Variants in IRS2 observed in about 807,000 individuals in gnomAD.
The protein encoded by IRS2 is insulin receptor substrate 2.
In IRS2, 28 loss-of-function variants were observed where a neutral mutation model predicts 70.9. The ratio of observed to expected loss-of-function variants is 0.39; its 90% CI spans 0.29 to 0.54. IRS2 has a LOEUF of 0.54. IRS2 is among the 20% of genes least tolerant of loss of function. The pLI is 0.59. For synonymous variants in IRS2, 1,217 were observed against 981.9 expected (o/e 1.24, Z -4.48); for missense variants, 2,081 against 2,024.1 (o/e 1.03, Z -0.54).
chr13:109,763,933 TAG>T (rs1257471633), intron 1 of IRS2, among the ~76,000 whole-genome samples: 1 of 152,226 alleles, frequency 6.6e-6, no homozygotes, highest in Non-Finnish European at 1.5e-5. Flanking sequence ...TAAATAACTG[TAG>T]GTAAATCCCC....
intron 1 of IRS2, among the ~76,000 whole-genome samples, chr13:109,774,677 C>A (rs553048924): frequency 4.6e-5 from 7 of 152,168 alleles, no homozygotes; most frequent in Non-Finnish European, 8.8e-5. Flanking sequence ...GCTCAGAGAT[C>A]TGGAGCAAGT....
chr13:109,752,891 T>A lies in IRS2; in HGVS notation c.*3413A>T, dbSNP rs1449555234. 6.6e-6 allele frequency: 1 copy of A among 152,164 alleles called. No individual in the cohort carries two copies. The highest frequency in any genetic ancestry group is 1.5e-5 in the Non-Finnish European group (1 of 68,034). The allele number at this position is 152,164 out of a possible 1,614,324, so 9.4% of individuals were successfully genotyped here. On this transcript the variant is annotated 3_prime_UTR_variant, in exon 2 of 2. Transcript: ENST00000375856. ...TTTCCTGGATCTGATGATTTTCTTC[T>A]TTGTATTCTTGATGTATGCATCGGT...
rs923307959 is a variant in IRS2, at chr13:109,754,435, A to G, written c.*1869T>C. On this transcript the variant is annotated 3_prime_UTR_variant, in exon 2 of 2. Transcript: ENST00000375856. Reference sequence around the variant, plus strand: ...ATACACTGCTTTCAGCAGGGTCCATATTCAGTCCCTATCGTACCTGGGGGG... The same window carrying G: ...ATACACTGCTTTCAGCAGGGTCCATGTTCAGTCCCTATCGTACCTGGGGGG... The G allele has an allele frequency of 4.8e-6, 1 of 206,852 alleles. No individual in the cohort carries two copies. Among genetic ancestry groups the G allele is most frequent in the Non-Finnish European group, 9.9e-6 (1 of 101,460 alleles). The allele number at this position is 206,852 out of a possible 1,614,324, so 12.8% of individuals were successfully genotyped here. A position where few individuals can be genotyped will look rare whatever the true frequency, so the allele number is the denominator to read the frequency against.
intron 1 of IRS2, among the ~76,000 whole-genome samples, chr13:109,780,477 T>C (rs149326456): frequency 9.5e-4 from 144 of 152,374 alleles, no homozygotes; most frequent in African/African-American, 3.4e-3. Flanking sequence ...GATAATTCTC[T>C]GTGACTCTTC....
intron 1 of IRS2, among the ~76,000 whole-genome samples, chr13:109,763,558 T>A (rs946479098): frequency 6.6e-6 from 1 of 152,196 alleles, no homozygotes; most frequent in African/African-American, 2.4e-5. Flanking sequence ...TCATTAAGGG[T>A]CCAAATCTTT....
rs1566414840 is a variant in IRS2, at chr13:109,785,513, C to G, written c.541G>C (p.Glu181Gln). 6.2e-7 allele frequency: 1 copy of G among 1,604,500 alleles called. No individual in the cohort carries two copies. The highest frequency in any genetic ancestry group is 2.3e-5 in the East Asian group (1 of 44,410). Reference sequence around the variant, plus strand: ...GGAGCCACCAGCCCGTAGCTGTCCTCGGCCCCGGCGGCGCCGGCAGAGCCG... The same window carrying G: ...GGAGCCACCAGCCCGTAGCTGTCCTGGGCCCCGGCGGCGCCGGCAGAGCCG... ...LGGSAGAAGAEDSYGLVAPAT... is the reference protein window; with the variant it reads ...LGGSAGAAGAQDSYGLVAPAT... The change falls in exon 1 of 2, where the codon GAG becomes CAG. Residue 181 changes from glutamate to glutamine, a missense_variant. By Grantham distance (29) the Glu-to-Gln change is conservative. Coordinates refer to ENST00000375856, the MANE Select transcript of IRS2 (RefSeq NM_003749.3). This position sits in a 1 kb window ranked among gnomAD's most constrained non-coding sequence, Gnocchi z 9.3.
At chr13:109,762,991 A>G (rs1309059770) in intron 1 of IRS2, among the ~76,000 whole-genome samples, 3 of 152,168 alleles carry the variant, frequency 2.0e-5, no homozygotes, top group South Asian at 4.1e-4. Flanking sequence ...CTCTGCAAAT[A>G]AAGTTTTATT....
In IRS2 at chr13:109,782,758, G is replaced by A. The variant is rs765468696; in HGVS notation, c.3296C>T (p.Ala1099Val). ...CCTCTTCACGCCCGACGTCGGGCTGGCCACGCGGGCAGCTTCTGGCTTCGG... is the reference window on the plus strand; with the variant it reads ...CCTCTTCACGCCCGACGTCGGGCTGACCACGCGGGCAGCTTCTGGCTTCGG... ...APPKPEAARVASPTSGVKRLS... is the reference protein window; with the variant it reads ...APPKPEAARVVSPTSGVKRLS... Residue 1099 changes from alanine to valine, a missense_variant, in exon 1 of 2, where the codon GCC becomes GTC. Ala to Val is a moderately conservative substitution (Grantham distance 64, BLOSUM62 0). Coordinates refer to ENST00000375856, the MANE Select transcript of IRS2 (RefSeq NM_003749.3). 6 of 1,601,986 alleles carry A rather than the reference G, an allele frequency of 3.7e-6. No homozygotes were observed. The South Asian group carries it at 4.5e-5, about 12-fold the overall frequency.
chr13:109,768,987 G>T (rs184118628), intron 1 of IRS2, among the ~76,000 whole-genome samples: 1 of 152,166 alleles, frequency 6.6e-6, no homozygotes, highest in Non-Finnish European at 1.5e-5. Flanking sequence ...TATAAGGTAC[G>T]CTACAAACGT....
chr13:109,768,765 C>A (rs1047722329), intron 1 of IRS2, among the ~76,000 whole-genome samples: 5 of 151,910 alleles, frequency 3.3e-5, no homozygotes, highest in Admixed American at 6.6e-5. Flanking sequence ...CAGAATCAGG[C>A]AGGAGCCAGG....
chr13:109,783,479 T>C lies in IRS2; in HGVS notation c.2575A>G (p.Thr859Ala), dbSNP rs1449164009. ...QAASAFGAGP[T>A]QPPHPVVPSP... ...GGCACTACAGGGTGAGGGGGCTGCG[T>C]GGGGCCGGCCCCGAAGGCGCTGGCC... is the stretch of plus-strand genomic sequence containing the variant. Residue 859 changes from threonine (T) to alanine (A), a missense_variant, in exon 1 of 2, where the codon ACG becomes GCG. Physicochemically the swap from Thr to Ala is moderately conservative, Grantham distance 58. Around this residue, in one of 4 missense-constraint regions of IRS2, gnomAD observed 1,615 missense variants for 1,459.5 expected, o/e 1.11. Transcript: ENST00000375856. 3 of 1,542,372 alleles carry C rather than the reference T, an allele frequency of 1.9e-6. No homozygotes were observed. The highest frequency in any genetic ancestry group is 3.9e-5 in the Admixed American group (2 of 50,942).
Position 109,783,717 on chromosome 13 carries a change from G to T in IRS2, c.2337C>A (p.Thr779=). ...VSPSDAVTTG[T]PPDFFSAALH... ...GGGCTGCGGAGAAGAAGTCGGGCGGGGTGCCCGTGGTGACCGCGTCGCTGG... is the reference window on the plus strand; with the variant it reads ...GGGCTGCGGAGAAGAAGTCGGGCGGTGTGCCCGTGGTGACCGCGTCGCTGG... The change falls in exon 1 of 2, where the codon ACC becomes ACA. Residue 779 remains threonine (T), a synonymous_variant. Transcript: ENST00000375856. 6.4e-7 allele frequency: 1 copy of T among 1,574,342 alleles called. No individual in the cohort carries two copies. The highest frequency in any genetic ancestry group is 8.6e-7 in the Non-Finnish European group (1 of 1,160,090).
At position 109,784,497 on chromosome 13, in the gene IRS2, G is replaced by C. The variant is rs1877850006; in HGVS notation, c.1557C>G (p.Asn519Lys). Reference sequence around the variant, plus strand: ...GCGTCTCCGCGATGGACTCGGGCGTGTTGCTTCGGTGGCTGCAGAAGGCGC... The same window carrying C: ...GCGTCTCCGCGATGGACTCGGGCGTCTTGCTTCGGTGGCTGCAGAAGGCGC... ...DLRAFCSHRS[N>K]TPESIAETPP... Residue 519 changes from asparagine to lysine, a missense_variant, in exon 1 of 2, where the codon AAC becomes AAG. Transcript: ENST00000375856. This position sits in a 1 kb window ranked among gnomAD's most constrained non-coding sequence, Gnocchi z 5.2. 6.4e-7 allele frequency: 1 copy of C among 1,562,222 alleles called. No individual in the cohort carries two copies. The highest frequency in any genetic ancestry group is 8.7e-7 in the Non-Finnish European group (1 of 1,153,722).
chr13:109,781,713 T>A (rs1364107395), intron 1 of IRS2, among the ~76,000 whole-genome samples: 1 of 152,064 alleles, frequency 6.6e-6, no homozygotes, highest in Non-Finnish European at 1.5e-5. Context: ...CCCCGCGGCC[T>A]CTAGTGTGGC....
At chr13:109,772,486 C>A (rs573697458) in intron 1 of IRS2, among the ~76,000 whole-genome samples, 15 of 152,156 alleles carry the variant, frequency 9.9e-5, no homozygotes, top group Non-Finnish European at 2.1e-4. Flanking sequence ...TCCATTCGCC[C>A]GGATAGCAAA....
At chr13:109,761,177 T>G (rs529151039) in intron 1 of IRS2, among the ~76,000 whole-genome samples, 1 of 152,334 alleles carries the variant, frequency 6.6e-6, no homozygotes, top group South Asian at 2.1e-4. Flanking sequence ...GGCCACCACG[T>G]AGGGCCCCAT....
In IRS2 at chr13:109,785,913, G is replaced by A. The variant is rs1877908506; in HGVS notation, c.141C>T (p.Phe47=). The A allele has an allele frequency of 6.7e-7, 1 of 1,495,974 alleles. No individual in the cohort carries two copies. Among genetic ancestry groups the A allele is most frequent in the Non-Finnish European group, 8.9e-7 (1 of 1,129,828 alleles). 92.7% of individuals were successfully genotyped at this position (1,495,974 alleles called of 1,614,324 possible). ...CCGCGCCGGGTCCGCGCAGCACGAA[G>A]AAGCGCTTGTGGCCATGCTTCTGCT... ...LRKQKHGHKR[F]FVLRGPGAGG... The change falls in exon 1 of 2, where the codon TTC becomes TTT. Residue 47 remains phenylalanine (F), a synonymous_variant. Transcript: ENST00000375856. The surrounding 1 kb of genome is among the most constrained non-coding windows in gnomAD (Gnocchi z 9.3).
rs1459672577 is a variant in IRS2 at position 109,785,844 on chromosome 13, C to G, written c.210G>C (p.Pro70=). The G allele has an allele frequency of 1.3e-6, 2 of 1,529,392 alleles. No individual in the cohort carries two copies. Among genetic ancestry groups the G allele is most frequent in the Middle Eastern group, 1.7e-4 (1 of 5,784 alleles). The allele number at this position is 1,529,392 out of a possible 1,614,324, so 94.7% of individuals were successfully genotyped here. Reference sequence around the variant, plus strand: ...CGCTCTCGTAGTACTCGAGCCGCGGCGGTTGCGGCGCCGACCCCCCGCCCG... The same window carrying G: ...CGCTCTCGTAGTACTCGAGCCGCGGGGGTTGCGGCGCCGACCCCCCGCCCG... ...ATAGGGSAPQ[P]PRLEYYESEK... is the part of the protein sequence containing the mutation. The change falls in exon 1 of 2, where the codon CCG becomes CCC. Residue 70 remains proline, a synonymous_variant. Transcript: ENST00000375856. This position sits in a 1 kb window ranked among gnomAD's most constrained non-coding sequence, Gnocchi z 9.3.
In IRS2 at chr13:109,756,219, G is replaced by C; in HGVS notation, c.*85C>G. 1 of 1,195,328 alleles carries C rather than the reference G, an allele frequency of 8.4e-7. No individual in the cohort carries two copies. Among genetic ancestry groups the C allele is most frequent in the Non-Finnish European group, 1.3e-6 (1 of 798,620 alleles). The allele number at this position is 1,195,328 out of a possible 1,614,324, so 74.0% of individuals were successfully genotyped here. A position where few individuals can be genotyped will look rare whatever the true frequency, so the allele number is the denominator to read the frequency against. Reference sequence around the variant, plus strand: ...CAGATCCAAAAGAAAACTGCAAGCAGCTTCGGGCTGAAACAGTGCTGAGCG... The same window carrying C: ...CAGATCCAAAAGAAAACTGCAAGCACCTTCGGGCTGAAACAGTGCTGAGCG... On this transcript the variant is annotated 3_prime_UTR_variant, in exon 2 of 2. Coordinates refer to ENST00000375856, the MANE Select transcript of IRS2 (RefSeq NM_003749.3).
Sources: gnomAD v4.1 joint callset for allele counts (sites outside exome capture counted in the v4.1 genomes callset) on GRCh38, gnomAD v4.1.1 for gene constraint, gnomAD v4.1.1 regional missense constraint, Gnocchi (gnomAD v3.1) non-coding constraint, MANE v1.5 for transcripts, NCBI Gene and HGNC (gene_info 2026-07-23, HGNC 2026-07-21) for gene names.